Variants in USH2A observed in about 807,000 individuals in gnomAD.
The protein encoded by USH2A is usherin.
USH2A carries 443 observed loss-of-function variants against 538.9 expected under a neutral mutation model. That is an observed-to-expected ratio of 0.82 (90% CI 0.76 to 0.89). USH2A has a LOEUF of 0.89. Ranked by LOEUF, USH2A falls within the 40% of genes least tolerant of loss-of-function variation. The pLI is 0.00. For synonymous variants in USH2A, 2,413 were observed against 2,273.5 expected (o/e 1.06, Z -1.75); for missense variants, 6,633 against 6,324.8 (o/e 1.05, Z -1.65).
At chr1:216,102,616 G>T (rs1387261031) in intron 21 of USH2A, among the ~76,000 whole-genome samples, 2 of 151,936 alleles carry the variant, frequency 1.3e-5, no homozygotes, top group East Asian at 3.9e-4. Context: ...TGGATAACAC[G>T]GCGAAACCTC....
intron 2 of USH2A, 36 bp from the exon 3 acceptor site, chr1:216,418,715 C>G: frequency 6.2e-7 from 1 of 1,610,046 alleles, no homozygotes; most frequent in Admixed American, 1.7e-5. Context: ...AAAAGGTCAG[C>G]ATCCAACCAA....
chr1:215,968,267 A>G (rs1667404301), intron 36 of USH2A, among the ~76,000 whole-genome samples: 1 of 152,138 alleles, frequency 6.6e-6, no homozygotes, highest in Non-Finnish European at 1.5e-5. Context: ...AATTTCCATA[A>G]GAGTCAAATA....
At chr1:216,405,707 G>A (rs1017372971) in intron 3 of USH2A, among the ~76,000 whole-genome samples, 2 of 152,170 alleles carry the variant, frequency 1.3e-5, no homozygotes, top group East Asian at 3.8e-4. Flanking sequence ...AAACGAATAT[G>A]TATGTTAACA....
chr1:216,309,919 T>C (rs191603774), intron 9 of USH2A, among the ~76,000 whole-genome samples: 1 of 152,274 alleles, frequency 6.6e-6, no homozygotes, highest in Non-Finnish European at 1.5e-5. Context: ...TATATAATTA[T>C]TTTTACACAT....
chr1:215,927,713 C>T (rs1043718352), intron 38 of USH2A, among the ~76,000 whole-genome samples: 1 of 151,948 alleles, frequency 6.6e-6, no homozygotes, highest in African/African-American at 2.4e-5. Context: ...GAAACCTTAG[C>T]ATCATACAAT....
At chr1:216,018,549 C>T (rs981674494) in intron 32 of USH2A, among the ~76,000 whole-genome samples, 2 of 152,122 alleles carry the variant, frequency 1.3e-5, no homozygotes, top group African/African-American at 4.8e-5. Context: ...TTGTGTCTTA[C>T]GTTGGCAGAA....
chr1:215,743,393 T>TG, intron 58 of USH2A, 58 bp from the exon 59 acceptor site: 2 of 457,988 alleles, frequency 4.4e-6, no homozygotes, highest in Non-Finnish European at 6.9e-6. Context: ...TATATGTGTG[T>TG]GTGTGTGTGT....
intron 9 of USH2A, among the ~76,000 whole-genome samples, chr1:216,298,426 C>A (rs961004292): frequency 6.6e-6 from 1 of 152,102 alleles, no homozygotes; most frequent in Non-Finnish European, 1.5e-5. Flanking sequence ...TATCAAAAAG[C>A]CTAATTGTAA....
intron 44 of USH2A, among the ~76,000 whole-genome samples, chr1:215,850,442 G>T (rs553773023): frequency 6.6e-6 from 1 of 152,248 alleles, no homozygotes; most frequent in East Asian, 1.9e-4. Context: ...CATCTGGACT[G>T]AGATGTGAAG....
chr1:215,926,614 C>T (rs1472098145), intron 38 of USH2A, among the ~76,000 whole-genome samples: 18 of 75,850 alleles, frequency 2.4e-4, no homozygotes, highest in Admixed American at 6.0e-4. Context: ...ACCTACCTAT[C>T]TTTTTTTTTT....
intron 21 of USH2A, among the ~76,000 whole-genome samples, chr1:216,098,818 G>A (rs1435236813): frequency 1.3e-5 from 2 of 152,176 alleles, no homozygotes; most frequent in Non-Finnish European, 2.9e-5. Flanking sequence ...AAAAGAAATT[G>A]AGGACAGTTT....
At chr1:215,846,515 G>A (rs1326418681) in intron 44 of USH2A, among the ~76,000 whole-genome samples, 1 of 152,096 alleles carries the variant, frequency 6.6e-6, no homozygotes, top group African/African-American at 2.4e-5. Flanking sequence ...CACCTGGTCA[G>A]TTTTTATTTT....
chr1:216,316,518 G>T (rs1009146047), intron 9 of USH2A, among the ~76,000 whole-genome samples: 1 of 152,156 alleles, frequency 6.6e-6, no homozygotes, highest in Admixed American at 6.6e-5. Context: ...AGTGAATGTT[G>T]TAGCAAGCCC....
intron 21 of USH2A, among the ~76,000 whole-genome samples, chr1:216,164,740 G>A (rs922914160): frequency 6.6e-6 from 1 of 152,094 alleles, no homozygotes; most frequent in Non-Finnish European, 1.5e-5. Context: ...AGGTCATAAA[G>A]AAGTATCAAC....
intron 53 of USH2A, 41 bp from the exon 54 acceptor site, chr1:215,782,237 C>T (rs1020406093): frequency 6.9e-6 from 11 of 1,602,400 alleles, no homozygotes; most frequent in Non-Finnish European, 8.5e-6. Flanking sequence ...AATGTGATAT[C>T]ATTTTAACTA....
chr1:216,140,518 A>G (rs1036739072), intron 21 of USH2A, among the ~76,000 whole-genome samples: 1 of 152,224 alleles, frequency 6.6e-6, no homozygotes. Context: ...TGCAGCCATA[A>G]TAAAGCCAAG....
At chr1:216,086,488 T>G (rs2032136909) in intron 24 of USH2A, among the ~76,000 whole-genome samples, 2 of 152,228 alleles carry the variant, frequency 1.3e-5, no homozygotes, top group East Asian at 3.9e-4. Context: ...CAGCAAAAGT[T>G]TTAATGAATT....
At chr1:216,342,219 G>A (rs1035364137) in intron 4 of USH2A, among the ~76,000 whole-genome samples, 1 of 152,134 alleles carries the variant, frequency 6.6e-6, no homozygotes, top group Admixed American at 6.6e-5. Flanking sequence ...AGACATTAAT[G>A]CAGTCAACAA....
At chr1:216,304,460 C>CT (rs945183854) in intron 9 of USH2A, among the ~76,000 whole-genome samples, 26 of 150,978 alleles carry the variant, frequency 1.7e-4, no homozygotes, top group South Asian at 1.0e-3. Context: ...GCACTAATTT[C>CT]TTTTTTTTTC....
Sources: allele counts gnomAD v4.1 joint callset (sites outside exome capture counted in the v4.1 genomes callset), GRCh38; gene constraint gnomAD v4.1.1; transcripts MANE v1.5; gene names NCBI Gene and HGNC (gene_info 2026-07-23, HGNC 2026-07-21).